The following TTLL5 variants were observed in gnomAD, a reference collection of about 807,000 sequenced individuals.
The protein encoded by TTLL5 is tubulin tyrosine ligase like 5.
Under a neutral mutation model 168.4 loss-of-function variants are expected in TTLL5, and 132 were observed. The ratio of observed to expected loss-of-function variants is 0.78; its 90% CI spans 0.68 to 0.91. The LOEUF is 0.91. Among genes scored for constraint, TTLL5 ranks in the 40% least tolerant of loss-of-function variants. The pLI is 0.00. For synonymous variants in TTLL5, 546 were observed against 558.6 expected (o/e 0.98, Z 0.32); for missense variants, 1,545 against 1,581.5 (o/e 0.98, Z 0.39).
At chr14:75,720,804 AG>A (rs1887787398) in intron 12 of TTLL5, 101 bp downstream of exon 12, 4 of 953,892 alleles carry the variant, frequency 4.2e-6, no homozygotes, top group Non-Finnish European at 6.7e-6. Flanking sequence ...TAGCAGTAAG[AG>A]GTATGTGATG....
At chr14:75,919,969 A>C (rs1326221555) in intron 31 of TTLL5, among the ~76,000 whole-genome samples, 3 of 152,052 alleles carry the variant, frequency 2.0e-5, no homozygotes, top group African/African-American at 7.2e-5. Context: ...AAAAATACAA[A>C]AATTAGCCAG....
intron 3 of TTLL5, among the ~76,000 whole-genome samples, chr14:75,673,650 C>T (rs915812340): frequency 5.3e-5 from 8 of 152,070 alleles, no homozygotes; most frequent in East Asian, 1.9e-4. Context: ...ATTTAATGTC[C>T]GACACATAGT....
chr14:75,814,632 C>T (rs1239354496), intron 27 of TTLL5: 1 of 152,146 alleles, frequency 6.6e-6, no homozygotes, highest in Non-Finnish European at 1.5e-5. Context: ...TTCAGTGACT[C>T]CTTCTGCCCA....
intron 30 of TTLL5, among the ~76,000 whole-genome samples, chr14:75,885,170 G>A (rs773271457): frequency 9.8e-5 from 13 of 133,154 alleles, no homozygotes; most frequent in Middle Eastern, 0.012. Context: ...ACAAGACCCC[G>A]TCTCAAAAAA....
At chr14:75,733,286 C>G (rs1265001650) in intron 13 of TTLL5, among the ~76,000 whole-genome samples, 2 of 152,072 alleles carry the variant, frequency 1.3e-5, no homozygotes, top group Non-Finnish European at 1.5e-5. Flanking sequence ...ATCCCCAGAA[C>G]GAGGCACTGA....
At chr14:75,914,832 C>T (rs2033554116) in intron 31 of TTLL5, among the ~76,000 whole-genome samples, 1 of 152,058 alleles carries the variant, frequency 6.6e-6, no homozygotes, top group African/African-American at 2.4e-5. Context: ...ACTGTGTTAG[C>T]CAGGATGGTC....
intron 28 of TTLL5, among the ~76,000 whole-genome samples, chr14:75,830,172 A>C (rs1266039368): frequency 6.6e-6 from 1 of 152,208 alleles, no homozygotes; most frequent in Non-Finnish European, 1.5e-5. Flanking sequence ...CACTTGGATA[A>C]TTAAAACAAA....
Position 75,883,457 on chromosome 14 carries a change from C to T in TTLL5, c.3740+555C>T, listed in dbSNP as rs2031927604. 2.0e-5 allele frequency among the ~76,000 whole-genome samples: 3 copies of T among 152,174 alleles called. No individual in the cohort carries two copies. The South Asian group carries it at 6.2e-4, about 31-fold the overall frequency. Reference sequence around the variant, plus strand: ...AAGAGCGTTGGTTCTAGCAGCCCTTCTTCAGTTTAAACTTGGGGAACTTTT... The same window carrying T: ...AAGAGCGTTGGTTCTAGCAGCCCTTTTTCAGTTTAAACTTGGGGAACTTTT... On this transcript the variant is annotated intron_variant, in intron 30 of 31. Transcript: ENST00000298832.
At chr14:75,839,327 C>T (rs1896082389) in intron 28 of TTLL5, among the ~76,000 whole-genome samples, 1 of 152,190 alleles carries the variant, frequency 6.6e-6, no homozygotes, top group Admixed American at 6.5e-5. Context: ...TTCACATTCC[C>T]ACCAGCAGTG....
chr14:75,898,735 A>T (rs2032788421), intron 30 of TTLL5, among the ~76,000 whole-genome samples: 1 of 152,244 alleles, frequency 6.6e-6, no homozygotes, highest in Non-Finnish European at 1.5e-5. Context: ...TTTGGTGCAC[A>T]GTTGAATAAA....
chr14:75,724,623 G>A (rs28481462), intron 12 of TTLL5, among the ~76,000 whole-genome samples: 4,910 of 152,258 alleles, frequency 0.032, 243 homozygotes, highest in African/African-American at 0.099. Context: ...GTTAGTGAGT[G>A]AAATAACTCA....
At chr14:75,807,202 C>A (rs915265428) in intron 27 of TTLL5, among the ~76,000 whole-genome samples, 1 of 152,188 alleles carries the variant, frequency 6.6e-6, no homozygotes, top group Admixed American at 6.5e-5. Context: ...AATCCCAGCA[C>A]TTTGGGAGGC....
intron 30 of TTLL5, among the ~76,000 whole-genome samples, chr14:75,901,021 T>C (rs978683919): frequency 1.3e-5 from 2 of 152,236 alleles, no homozygotes; most frequent in Non-Finnish European, 2.9e-5. Flanking sequence ...AAGGTTGGGT[T>C]GGATGTTGCT....
intron 31 of TTLL5, among the ~76,000 whole-genome samples, chr14:75,935,901 TAATCATGCC>T (rs2034420814): frequency 6.6e-6 from 1 of 152,180 alleles, no homozygotes; most frequent in African/African-American, 2.4e-5. Flanking sequence ...ATTTTTTTTT[TAATCATGCC>T]TAGATGACTT....
At chr14:75,826,851 A>G (rs1006539592) in intron 28 of TTLL5, among the ~76,000 whole-genome samples, 1 of 152,166 alleles carries the variant, frequency 6.6e-6, no homozygotes, top group Non-Finnish European at 1.5e-5. Context: ...GATGATCCAT[A>G]TTTAAAGCTT....
intron 2 of TTLL5, among the ~76,000 whole-genome samples, chr14:75,667,751 GTTTTTTTTTTTTTT>G (rs67181555): frequency 4.5e-5 from 4 of 89,084 alleles, no homozygotes; most frequent in East Asian, 7.4e-4. Context: ...ATCTTTTTAT[GTTTTTTTTTTTTTT>G]TTTTTTTTTT....
At chr14:75,941,731 CT>C (rs1222700375) in intron 31 of TTLL5, among the ~76,000 whole-genome samples, 2 of 151,490 alleles carry the variant, frequency 1.3e-5, no homozygotes, top group East Asian at 3.9e-4. Flanking sequence ...ATCCTGAACT[CT>C]TGAGCTCAAG....
intron 19 of TTLL5, among the ~76,000 whole-genome samples, chr14:75,765,259 C>G (rs1890895663): frequency 6.6e-6 from 1 of 152,088 alleles, no homozygotes; most frequent in Admixed American, 6.5e-5. Context: ...CTGTGAACGT[C>G]TGTGTCAGGC....
At chr14:75,889,252 A>G (rs1037983695) in intron 30 of TTLL5, among the ~76,000 whole-genome samples, 9 of 152,228 alleles carry the variant, frequency 5.9e-5, no homozygotes, top group Non-Finnish European at 8.8e-5. Context: ...TTGAGGAGGA[A>G]GTATACAAAG....
Sources: gnomAD v4.1 joint callset for allele counts (sites outside exome capture counted in the v4.1 genomes callset) on GRCh38, gnomAD v4.1.1 for gene constraint, MANE v1.5 for transcripts, NCBI Gene and HGNC (gene_info 2026-07-23, HGNC 2026-07-21) for gene names.